Variants in NCOA2 observed in about 807,000 individuals in gnomAD.
The protein encoded by NCOA2 is class E basic helix-loop-helix protein 75.
A neutral mutation model predicts 145.1 loss-of-function variants in NCOA2; 21 were observed. The ratio of observed to expected loss-of-function variants is 0.14; its 90% CI spans 0.10 to 0.21. NCOA2 has a LOEUF of 0.21. Among genes scored for constraint, NCOA2 ranks in the 10% least tolerant of loss-of-function variants. NCOA2 has a pLI of 1.00. For missense variants in NCOA2, 1,472 were observed against 1,837.6 expected (o/e 0.80, Z 3.64); for synonymous variants, 619 against 637.5 (o/e 0.97, Z 0.44).
chr8:70,132,740 T>C (rs1809275595), intron 15 of NCOA2, among the ~76,000 whole-genome samples: 1 of 152,102 alleles, frequency 6.6e-6, no homozygotes, highest in African/African-American at 2.4e-5. Flanking sequence ...ATTTTTTGTA[T>C]TTTTTTGTAG....
chr8:70,166,251 C>G (rs559161945), intron 7 of NCOA2, among the ~76,000 whole-genome samples: 1 of 152,308 alleles, frequency 6.6e-6, no homozygotes, highest in African/African-American at 2.4e-5. Flanking sequence ...TGTGGCTATT[C>G]AAACGTAAAT....
At chr8:70,118,122 C>A (rs919027540) in intron 22 of NCOA2, among the ~76,000 whole-genome samples, 1 of 152,180 alleles carries the variant, frequency 6.6e-6, no homozygotes, top group Non-Finnish European at 1.5e-5. Flanking sequence ...GGCTAGCATG[C>A]AGCCGCATGA....
chr8:70,323,562 A>T (rs1354611018), intron 1 of NCOA2, among the ~76,000 whole-genome samples: 5 of 152,110 alleles, frequency 3.3e-5, no homozygotes, highest in South Asian at 2.1e-4. Context: ...ATTTAACAAA[A>T]TTTTTTTAAA....
intron 16 of NCOA2, among the ~76,000 whole-genome samples, chr8:70,130,696 T>G (rs892442505): frequency 1.3e-5 from 2 of 152,192 alleles, no homozygotes; most frequent in African/African-American, 4.8e-5. Context: ...AAGTCTCCAA[T>G]GACTCTGCAT....
intron 2 of NCOA2, among the ~76,000 whole-genome samples, chr8:70,223,690 C>T (rs561011885): frequency 3.3e-5 from 5 of 152,068 alleles, no homozygotes; most frequent in Non-Finnish European, 7.4e-5. Flanking sequence ...TCCTTTAGTT[C>T]CTGTAACAGC....
chr8:70,326,473 G>GCACACACACA lies in NCOA2; in HGVS notation c.-76-29683_-76-29674dup, dbSNP rs771384690. On this transcript the variant is annotated intron_variant, in intron 1 of 22. Transcript: ENST00000452400. The stretch of plus-strand genomic sequence containing the variant: ...CACGTGCACACACACACACACACAT[G>GCACACACACA]CACACACACACACACAGCTGTGATT... Among the ~76,000 whole-genome samples the GCACACACACA allele has an allele frequency of 9.4e-3, 1,347 of 143,506 alleles. 25 individuals are homozygous for GCACACACACA. The highest frequency in any genetic ancestry group is 0.032 in the African/African-American group (1,277 of 39,514). The allele number at this position is 143,506 out of a possible 152,430, so 94.1% of individuals were successfully genotyped here.
rs572571969 is a variant in NCOA2 at position 70,312,432 on chromosome 8, T to C, written c.-76-15632A>G. 1.0e-3 allele frequency among the ~76,000 whole-genome samples: 159 copies of C among 152,330 alleles called. 1 individual carries two copies. Among genetic ancestry groups the C allele is most frequent in the Non-Finnish European group, 1.9e-3 (126 of 68,026 alleles). On this transcript the variant is annotated intron_variant, in intron 1 of 22. Transcript: ENST00000452400. ...AAGGGGGTCTGTATGAAATTAAGAT[T>C]TGGAATATTTGTAGATTAATAATGC...
the NCOA2 span, among the ~76,000 whole-genome samples, chr8:70,422,475 A>G: frequency 6.6e-6 from 1 of 151,804 alleles, no homozygotes; most frequent in African/African-American, 2.4e-5. Context: ...AAGTCGTGCA[A>G]TCTCAGCTCA....
intron 2 of NCOA2, among the ~76,000 whole-genome samples, chr8:70,234,225 T>C (rs992007470): frequency 1.3e-5 from 2 of 152,248 alleles, no homozygotes; most frequent in Non-Finnish European, 2.9e-5. Flanking sequence ...TATTCCATTG[T>C]ATAGCTATAC....
intron 2 of NCOA2, among the ~76,000 whole-genome samples, chr8:70,235,462 T>A (rs1050753366): frequency 6.6e-6 from 1 of 152,148 alleles, no homozygotes; most frequent in African/African-American, 2.4e-5. Context: ...ATAAAAAATT[T>A]AAAAAAATAT....
chr8:70,321,263 G>A (rs980022493), intron 1 of NCOA2, among the ~76,000 whole-genome samples: 6 of 151,964 alleles, frequency 3.9e-5, no homozygotes, highest in South Asian at 2.1e-4. Flanking sequence ...TTTTCAAAAT[G>A]AGGGATATGT....
intron 4 of NCOA2, among the ~76,000 whole-genome samples, chr8:70,195,814 C>G (rs532888532): frequency 7.2e-4 from 109 of 152,328 alleles, no homozygotes; most frequent in African/African-American, 2.4e-3. Context: ...AGCTGCTTCA[C>G]CACATTCCTT....
At chr8:70,420,742 T>G in the NCOA2 span, among the ~76,000 whole-genome samples, 1 of 152,182 alleles carries the variant, frequency 6.6e-6, no homozygotes, top group South Asian at 2.1e-4. Context: ...CCTCCTGGTT[T>G]CAAGTGATTC....
At chr8:70,440,954 GAAAGA>G in the NCOA2 span, among the ~76,000 whole-genome samples, 5 of 136,302 alleles carry the variant, frequency 3.7e-5, no homozygotes, top group East Asian at 2.2e-4. Flanking sequence ...GAAGAAGAAA[GAAAGA>G]AAAGAAAAGA....
chr8:70,264,357 T>C (rs1309099571), intron 2 of NCOA2, among the ~76,000 whole-genome samples: 2 of 152,044 alleles, frequency 1.3e-5, no homozygotes, highest in Non-Finnish European at 2.9e-5. Flanking sequence ...TAGCTGAACA[T>C]GGTAGTACAC....
intron 2 of NCOA2, among the ~76,000 whole-genome samples, chr8:70,292,399 C>T (rs1207888694): frequency 1.3e-5 from 2 of 151,994 alleles, no homozygotes; most frequent in Non-Finnish European, 2.9e-5. Context: ...GATCTGCCGC[C>T]TGGGAATCCC....
intron 1 of NCOA2, among the ~76,000 whole-genome samples, chr8:70,311,640 T>C (rs556211178): frequency 2.6e-5 from 4 of 152,214 alleles, no homozygotes; most frequent in Non-Finnish European, 5.9e-5. Flanking sequence ...AGACAGCTCA[T>C]TGTTCTCTTC....
chr8:70,403,937 T>TCGGGAGCC (rs1325377752), upstream of NCOA2: 3 of 374,154 alleles, frequency 8.0e-6, no homozygotes, highest in Non-Finnish European at 1.4e-5. Flanking sequence ...GGGAGGGGGC[T>TCGGGAGCC]CGGGAGCCAG....
intron 5 of NCOA2, among the ~76,000 whole-genome samples, chr8:70,172,899 C>G (rs935296487): frequency 6.6e-6 from 1 of 152,066 alleles, no homozygotes; most frequent in Non-Finnish European, 1.5e-5. Flanking sequence ...ATGAAAAAAG[C>G]TGACATTTGG....
Sources: gnomAD v4.1 joint callset for allele counts (sites outside exome capture counted in the v4.1 genomes callset) on GRCh38, gnomAD v4.1.1 for gene constraint, MANE v1.5 for transcripts, NCBI Gene and HGNC (gene_info 2026-07-23, HGNC 2026-07-21) for gene names.